BICD1: variants seen among roughly 807,000 people sequenced by gnomAD.
BICD1 encodes the protein protein bicaudal D homolog 1.
BICD1 carries 35 observed loss-of-function variants against 92.5 expected under a neutral mutation model. The observed-to-expected ratio is 0.38, with a 90% confidence interval of 0.29 to 0.50. The LOEUF is 0.50. Ranked by LOEUF, BICD1 falls within the 20% of genes least tolerant of loss-of-function variation. The pLI, the probability that BICD1 is intolerant of heterozygous loss-of-function variation, is 0.93. For missense variants in BICD1, 950 were observed against 1,189.8 expected (o/e 0.80, Z 2.97); for synonymous variants, 429 against 465.1 (o/e 0.92, Z 1.00).
At chr12:32,168,960 C>G in intron 1 of BICD1, among the ~76,000 whole-genome samples, 1 of 2,332 alleles carries the variant, frequency 4.3e-4, no homozygotes, top group Non-Finnish European at 8.0e-4. Context: ...GAAACTTCAT[C>G]TCAAACAAAC....
chr12:32,194,444 C>G (rs1000088826), intron 1 of BICD1, among the ~76,000 whole-genome samples: 4 of 151,950 alleles, frequency 2.6e-5, no homozygotes, highest in Non-Finnish European at 4.4e-5. Flanking sequence ...ATATATTAAC[C>G]CTAAAGATTC....
At chr12:32,275,088 A>G (rs1194805658) in intron 2 of BICD1, among the ~76,000 whole-genome samples, 2 of 152,182 alleles carry the variant, frequency 1.3e-5, no homozygotes, top group Non-Finnish European at 2.9e-5. Flanking sequence ...TATGTTTATC[A>G]TTAGATATAT....
chr12:32,124,407 C>T (rs931648426), intron 1 of BICD1, among the ~76,000 whole-genome samples: 1 of 151,956 alleles, frequency 6.6e-6, no homozygotes, highest in Non-Finnish European at 1.5e-5. Context: ...TGACCTTAGG[C>T]CAATATTTGA....
At chr12:32,236,175 G>C (rs12310030) in intron 2 of BICD1, among the ~76,000 whole-genome samples, 3 of 151,024 alleles carry the variant, frequency 2.0e-5, no homozygotes, top group East Asian at 2.0e-4. Flanking sequence ...TGGGCAGATC[G>C]TGAGGTCAGG....
intron 2 of BICD1, among the ~76,000 whole-genome samples, chr12:32,259,924 C>CTT (rs56372956): frequency 2.5e-4 from 35 of 140,874 alleles, no homozygotes; most frequent in African/African-American, 7.6e-4. Context: ...ACACTACACA[C>CTT]TTTTTTTTTT....
intron 3 of BICD1, among the ~76,000 whole-genome samples, chr12:32,294,550 C>G (rs1239611): frequency 0.48 from 70,389 of 146,798 alleles, 17,386 homozygotes; most frequent in Middle Eastern, 0.57. Flanking sequence ...GAACCCAAGA[C>G]GTCAAGGTAG....
chr12:32,272,812 GA>G (rs1947177814), intron 2 of BICD1, among the ~76,000 whole-genome samples: 2 of 152,150 alleles, frequency 1.3e-5, no homozygotes. Flanking sequence ...GTAATTGATT[GA>G]AAAGTTTATT....
chr12:32,256,785 GAAATAA>G (rs1253922429), intron 2 of BICD1, among the ~76,000 whole-genome samples: 1 of 152,088 alleles, frequency 6.6e-6, no homozygotes, highest in Non-Finnish European at 1.5e-5. Flanking sequence ...AGCATTACAC[GAAATAA>G]ACACTGACAT....
intron 1 of BICD1, among the ~76,000 whole-genome samples, chr12:32,117,383 TG>T (rs1565525849): frequency 6.6e-6 from 1 of 152,234 alleles, no homozygotes; most frequent in East Asian, 1.9e-4. Flanking sequence ...TAAATTGTTC[TG>T]CTTTAATGTT....
At chr12:32,258,832 A>G (rs993489320) in intron 2 of BICD1, among the ~76,000 whole-genome samples, 1 of 152,196 alleles carries the variant, frequency 6.6e-6, no homozygotes. Flanking sequence ...AGGAACCAGG[A>G]GTACGGGAGG....
chr12:32,181,011 C>T (rs1944257746), intron 1 of BICD1, among the ~76,000 whole-genome samples: 1 of 151,392 alleles, frequency 6.6e-6, no homozygotes, highest in Admixed American at 6.6e-5. Context: ...TTTTTCAATC[C>T]ATCTTTACCC....
intron 4 of BICD1, among the ~76,000 whole-genome samples, chr12:32,323,007 A>G (rs1167127615): frequency 6.6e-6 from 1 of 152,244 alleles, no homozygotes; most frequent in African/African-American, 2.4e-5. Context: ...AGGAAAACAA[A>G]AACACTTCTG....
intron 1 of BICD1, among the ~76,000 whole-genome samples, chr12:32,139,323 GGCAGT>G (rs1243642951): frequency 1.3e-5 from 2 of 152,170 alleles, no homozygotes; most frequent in Non-Finnish European, 2.9e-5. Context: ...GAATTTTCAA[GGCAGT>G]GCTTTCATGG....
At position 32,245,243 on chromosome 12, in the gene BICD1, G is replaced by GTT. The variant is rs201510925; in HGVS notation, c.426+28789_426+28790dup. 8.6e-4 allele frequency among the ~76,000 whole-genome samples: 103 copies of GTT among 119,904 alleles called. No homozygotes were observed. In the East Asian group the frequency reaches 0.01, roughly 12 times the overall value. The allele number at this position is 119,904 out of a possible 152,430, so 78.7% of individuals were successfully genotyped here. On this transcript the variant is annotated intron_variant, in intron 2 of 9. Coordinates refer to ENST00000652176, the MANE Select transcript of BICD1 (RefSeq NM_001714.4). ...GCTGGGAATCAAAGAGCTTAGTTTTGTTTTTTGTTTTTTTTTTTTTTGAGA... is the reference window on the plus strand; with the variant it reads ...GCTGGGAATCAAAGAGCTTAGTTTTGTTTTTTTTGTTTTTTTTTTTTTTGAGA...
intron 2 of BICD1, among the ~76,000 whole-genome samples, chr12:32,245,811 T>C (rs1946366193): frequency 6.6e-6 from 1 of 150,938 alleles, no homozygotes; most frequent in African/African-American, 2.4e-5. Context: ...GGGCGGATTG[T>C]CTGAGGTCAG....
intron 4 of BICD1, among the ~76,000 whole-genome samples, chr12:32,315,393 G>A (rs1361864551): frequency 6.6e-6 from 1 of 152,132 alleles, no homozygotes; most frequent in East Asian, 1.9e-4. Context: ...TTTGAAATAG[G>A]AAAGTTTGCT....
intron 2 of BICD1, among the ~76,000 whole-genome samples, chr12:32,241,449 C>T (rs1022084461): frequency 1.3e-5 from 2 of 152,318 alleles, no homozygotes; most frequent in East Asian, 3.9e-4. Context: ...GCTGGATATC[C>T]TCCAAGTACA....
At chr12:32,232,986 A>T (rs188531097) in intron 2 of BICD1, among the ~76,000 whole-genome samples, 34 of 152,312 alleles carry the variant, frequency 2.2e-4, no homozygotes, top group Middle Eastern at 3.4e-3. Flanking sequence ...TAAATGGAAA[A>T]TGGCAGAGAG....
At chr12:32,258,144 T>C (rs1416590212) in intron 2 of BICD1, among the ~76,000 whole-genome samples, 1 of 152,226 alleles carries the variant, frequency 6.6e-6, no homozygotes, top group African/African-American at 2.4e-5. Flanking sequence ...ACAGGCCCAA[T>C]ATGTGAGGGT....
Sources: gnomAD v4.1 joint callset for allele counts (sites outside exome capture counted in the v4.1 genomes callset) on GRCh38, gnomAD v4.1.1 for gene constraint, MANE v1.5 for transcripts, NCBI Gene and HGNC (gene_info 2026-07-23, HGNC 2026-07-21) for gene names.